Variants in GPATCH2 observed in about 807,000 individuals in gnomAD.
GPATCH2 encodes G-patch domain containing 2, also known as G patch domain-containing protein 2.
GPATCH2 carries 51 observed loss-of-function variants against 58.0 expected under a neutral mutation model. The observed-to-expected ratio is 0.88, with a 90% confidence interval of 0.70 to 1.11. GPATCH2 has a LOEUF of 1.11. GPATCH2 is among the 50% of genes most tolerant of loss of function. The pLI is 0.00. For synonymous variants in GPATCH2, 222 were observed against 218.5 expected, an observed-to-expected ratio of 1.02 and a Z score of -0.14; for missense variants, 625 against 652.2, an observed-to-expected ratio of 0.96 and a Z score of 0.45.
At chr1:217,537,245 C>A (rs142269107) in intron 5 of GPATCH2, among the ~76,000 whole-genome samples, 1 of 151,988 alleles carries the variant, frequency 6.6e-6, no homozygotes, top group African/African-American at 2.4e-5. Flanking sequence ...CGCACTTTAC[C>A]GTATTATATT....
At chr1:217,615,241 T>C (rs1668827086) in intron 2 of GPATCH2, among the ~76,000 whole-genome samples, 1 of 152,092 alleles carries the variant, frequency 6.6e-6, no homozygotes, top group Non-Finnish European at 1.5e-5. Context: ...TTTCTGAATA[T>C]AATTTGTTTC....
At chr1:217,479,597 AAGAAG>A (rs1661126823) in intron 8 of GPATCH2, among the ~76,000 whole-genome samples, 1 of 152,132 alleles carries the variant, frequency 6.6e-6, no homozygotes, top group South Asian at 2.1e-4. Context: ...GAAAGAAAGA[AAGAAG>A]AGAAGACCAC....
intron 5 of GPATCH2, among the ~76,000 whole-genome samples, chr1:217,574,576 A>C (rs1331729485): frequency 6.6e-6 from 1 of 152,192 alleles, no homozygotes; most frequent in Non-Finnish European, 1.5e-5. Context: ...CATAAACCTA[A>C]AATAAGAGAA....
chr1:217,459,937 C>T (rs1004403316), intron 8 of GPATCH2, among the ~76,000 whole-genome samples: 4 of 151,984 alleles, frequency 2.6e-5, no homozygotes, highest in African/African-American at 7.3e-5. Context: ...AGGACAGATA[C>T]GTGCTAAGTT....
At chr1:217,587,416 A>T (rs1410272244) in intron 5 of GPATCH2, among the ~76,000 whole-genome samples, 1 of 152,188 alleles carries the variant, frequency 6.6e-6, no homozygotes, top group Non-Finnish European at 1.5e-5. Context: ...CCGAGATTAA[A>T]TTTTTAAAAA....
rs543709212 is a variant in GPATCH2 at position 217,466,901 on chromosome 1, G to A, written c.1278-17564C>T. ...ATGAAAGGATATATCTGCTGGGCGC[G>A]GTGGCTCACGCCTGTAATCCCAGCA... On this transcript the variant is annotated intron_variant, in intron 8 of 9. Transcript: ENST00000366935. Among the ~76,000 whole-genome samples, 4 of 152,300 alleles carry A rather than the reference G, an allele frequency of 2.6e-5. No homozygotes were observed. In the South Asian group the frequency reaches 6.2e-4, roughly 24 times the overall value.
intron 5 of GPATCH2, among the ~76,000 whole-genome samples, chr1:217,582,074 G>T (rs1490694875): frequency 6.6e-6 from 1 of 152,180 alleles, no homozygotes; most frequent in Non-Finnish European, 1.5e-5. Context: ...AGTAATATGA[G>T]ACAACTTTCA....
intron 5 of GPATCH2, among the ~76,000 whole-genome samples, chr1:217,600,372 C>T (rs1668052953): frequency 6.6e-6 from 1 of 152,120 alleles, no homozygotes; most frequent in African/African-American, 2.4e-5. Context: ...AAGAAAACTC[C>T]TATCTAGATG....
intron 1 of GPATCH2, among the ~76,000 whole-genome samples, chr1:217,621,727 T>C (rs1438754813): frequency 2.0e-5 from 3 of 152,234 alleles, no homozygotes; most frequent in Non-Finnish European, 4.4e-5. Flanking sequence ...AATTTCAGGC[T>C]TTTGCAAGTT....
chr1:217,537,908 T>A (rs1664553450), intron 5 of GPATCH2, among the ~76,000 whole-genome samples: 1 of 152,188 alleles, frequency 6.6e-6, no homozygotes, highest in Admixed American at 6.5e-5. Flanking sequence ...CTAACTACTA[T>A]ACATATTTAT....
At chr1:217,504,030 A>C (rs933779418) in intron 6 of GPATCH2, among the ~76,000 whole-genome samples, 5 of 152,142 alleles carry the variant, frequency 3.3e-5, no homozygotes, top group Admixed American at 6.6e-5. Context: ...CCTGATTCCA[A>C]AGCCCACGTC....
intron 5 of GPATCH2, among the ~76,000 whole-genome samples, chr1:217,555,898 G>A (rs1222234673): frequency 6.6e-6 from 1 of 152,110 alleles, no homozygotes; most frequent in African/African-American, 2.4e-5. Context: ...ATTTTACGGA[G>A]GGAGAGACTA....
At chr1:217,518,126 A>C (rs1021775021) in intron 5 of GPATCH2, among the ~76,000 whole-genome samples, 1 of 152,156 alleles carries the variant, frequency 6.6e-6, no homozygotes, top group African/African-American at 2.4e-5. Context: ...ACAAAGTCTT[A>C]AGAAGTAAAC....
chr1:217,517,910 C>G (rs1663247277), intron 5 of GPATCH2, among the ~76,000 whole-genome samples: 2 of 152,070 alleles, frequency 1.3e-5, no homozygotes, highest in South Asian at 4.1e-4. Flanking sequence ...TCATGAGAAA[C>G]AGTATCTCCA....
chr1:217,522,208 T>G (rs550227158), intron 5 of GPATCH2, among the ~76,000 whole-genome samples: 116 of 152,312 alleles, frequency 7.6e-4, no homozygotes, highest in African/African-American at 2.7e-3. Context: ...TATTGGTCTA[T>G]TAGAATAATA....
intron 5 of GPATCH2, among the ~76,000 whole-genome samples, chr1:217,597,852 G>A (rs1667917802): frequency 6.6e-6 from 1 of 152,090 alleles, no homozygotes; most frequent in Admixed American, 6.5e-5. Flanking sequence ...AAATCCCTAC[G>A]GATAGCAACA....
At chr1:217,505,732 A>AAT (rs1553332961) in intron 6 of GPATCH2, among the ~76,000 whole-genome samples, 3 of 152,204 alleles carry the variant, frequency 2.0e-5, no homozygotes, top group African/African-American at 7.2e-5. Context: ...TAGTGGGGCT[A>AAT]ATATATATAA....
At chr1:217,563,327 A>C (rs565393895) in intron 5 of GPATCH2, among the ~76,000 whole-genome samples, 1 of 152,304 alleles carries the variant, frequency 6.6e-6, no homozygotes, top group East Asian at 1.9e-4. Flanking sequence ...TCAACCCTTC[A>C]AACTTCAAAT....
intron 3 of GPATCH2, among the ~76,000 whole-genome samples, chr1:217,613,186 T>C (rs574219324): frequency 6.6e-6 from 1 of 152,250 alleles, no homozygotes; most frequent in South Asian, 2.1e-4. Flanking sequence ...AAGTATCAAC[T>C]TTAAAGTCCA....
Sources: allele counts gnomAD v4.1 joint callset (sites outside exome capture counted in the v4.1 genomes callset), GRCh38; gene constraint gnomAD v4.1.1; transcripts MANE v1.5; gene names NCBI Gene and HGNC (gene_info 2026-07-23, HGNC 2026-07-21).